AKAP9: variants seen among roughly 807,000 people sequenced by gnomAD.
AKAP9 encodes A-kinase anchoring protein 9.
Under a neutral mutation model 488.5 loss-of-function variants are expected in AKAP9, and 311 were observed. That is an observed-to-expected ratio of 0.64 (90% confidence interval 0.58 to 0.70). The LOEUF is 0.70. Ranked by LOEUF, AKAP9 falls within the 30% of genes least tolerant of loss-of-function variation. AKAP9 has a pLI of 0.00. For missense variants in AKAP9, 4,215 were observed against 4,374.5 expected (o/e 0.96, Z 1.03); for synonymous variants, 1,462 against 1,483.5 (o/e 0.99, Z 0.33).
intron 41 of AKAP9, 106 bp downstream of exon 41, chr7:92,097,463 C>T (rs2130902585): frequency 2.0e-6 from 3 of 1,513,522 alleles, no homozygotes; most frequent in Admixed American, 2.0e-5. Flanking sequence ...ATATGTAAAT[C>T]ACTTAAAAAT....
At chr7:92,039,051 G>T (rs34548928) in intron 17 of AKAP9, among the ~76,000 whole-genome samples, 7 of 151,874 alleles carry the variant, frequency 4.6e-5, no homozygotes, top group Non-Finnish European at 8.8e-5. Flanking sequence ...GACTCCATGC[G>T]CGTGCCACCA....
intron 1 of AKAP9, among the ~76,000 whole-genome samples, chr7:91,971,237 TTC>T (rs1239578654): frequency 6.6e-6 from 1 of 152,188 alleles, no homozygotes; most frequent in Admixed American, 6.5e-5. Flanking sequence ...TGATTCTTTT[TTC>T]TGTTTGATCC....
At chr7:91,957,247 A>T (rs1050835617) in intron 1 of AKAP9, among the ~76,000 whole-genome samples, 10 of 152,184 alleles carry the variant, frequency 6.6e-5, no homozygotes, top group Admixed American at 1.3e-4. Flanking sequence ...ATGTTTTTAA[A>T]TGTGTAGAAT....
chr7:91,952,661 A>ACCTTG (rs1272170988), intron 1 of AKAP9, among the ~76,000 whole-genome samples: 1 of 152,188 alleles, frequency 6.6e-6, no homozygotes, highest in African/African-American at 2.4e-5. Context: ...TGTATTACCT[A>ACCTTG]CCTTGTTTGG....
intron 1 of AKAP9, among the ~76,000 whole-genome samples, chr7:91,943,409 A>G (rs1288788703): frequency 6.6e-6 from 1 of 152,236 alleles, no homozygotes; most frequent in African/African-American, 2.4e-5. Context: ...CTTTCAGATT[A>G]GAACTGAAAA....
chr7:91,992,152 A>G lies in AKAP9; in HGVS notation c.352-6A>G, dbSNP rs1170708832. 1 of 1,604,698 alleles carries G rather than the reference A, an allele frequency of 6.2e-7. No homozygotes were observed. ...CATAATATATCAGGAAATTGTTTTT[A>G]TACAGGTAAATGGTTGCAGTTTTGT... On this transcript the variant is annotated splice_polypyrimidine_tract_variant and splice_region_variant and intron_variant, in intron 3 of 49. Coordinates refer to ENST00000356239, the MANE Select transcript of AKAP9 (RefSeq NM_005751.5).
At chr7:92,097,902 A>G in intron 42 of AKAP9, 108 bp downstream of exon 42, 3 of 1,119,084 alleles carry the variant, frequency 2.7e-6, no homozygotes, top group Non-Finnish European at 4.1e-6. Flanking sequence ...TTTAAAGGTA[A>G]TGCGTGTTTA....
intron 43 of AKAP9, among the ~76,000 whole-genome samples, 164 bp from the exon 44 acceptor site, chr7:92,099,523 G>A (rs1817174946): frequency 6.6e-6 from 1 of 151,858 alleles, no homozygotes; most frequent in South Asian, 2.1e-4. Context: ...TGCTTAATAT[G>A]CCCTTCCTTA....
rs372493917 is a variant in AKAP9, at chr7:92,097,264, A to T, written c.10305A>T (p.Arg3435=). The T allele has an allele frequency of 5.6e-6, 9 of 1,614,002 alleles. No individual in the cohort carries two copies. In the African/African-American group the frequency reaches 1.1e-4, roughly 19 times the overall value. Residue 3435 remains arginine (R), a synonymous_variant, in exon 41 of 50, where the codon CGA becomes CGT. Transcript: ENST00000356239. ...QVYKLDLEGQ[R]LQGIMQEFQK... is the part of the protein sequence containing the mutation. ...ATAAGTTAGACCTTGAAGGACAGCGACTACAAGGAATCATGCAGGAATTCC... is the reference window on the plus strand; with the variant it reads ...ATAAGTTAGACCTTGAAGGACAGCGTCTACAAGGAATCATGCAGGAATTCC...
At chr7:92,054,714 T>C (rs1358507213) in intron 22 of AKAP9, among the ~76,000 whole-genome samples, 1 of 152,100 alleles carries the variant, frequency 6.6e-6, no homozygotes, top group Non-Finnish European at 1.5e-5. Flanking sequence ...TCCAAGTCCA[T>C]ATTATAGTAC....
chr7:91,962,890 GAATA>G (rs1793894385), intron 1 of AKAP9, among the ~76,000 whole-genome samples: 2 of 152,110 alleles, frequency 1.3e-5, no homozygotes, highest in Admixed American at 1.3e-4. Flanking sequence ...TTGCACATCT[GAATA>G]AATATTAAAT....
chr7:92,052,170 G>A (rs2130803719), intron 21 of AKAP9, among the ~76,000 whole-genome samples: 1 of 152,272 alleles, frequency 6.6e-6, no homozygotes, highest in Middle Eastern at 3.4e-3. Context: ...TGGATCAAAA[G>A]TTAGTCATCA....
intron 21 of AKAP9, among the ~76,000 whole-genome samples, chr7:92,051,215 T>A (rs28506180): frequency 0.017 from 2,606 of 152,254 alleles, 78 homozygotes; most frequent in East Asian, 0.085. Flanking sequence ...CCCTTTGCCC[T>A]AAAAAGCCTA....
chr7:92,056,719 T>TTAATAATTAGTCTACCTAATTTAATA (rs1808846583), intron 22 of AKAP9, among the ~76,000 whole-genome samples: 1 of 151,908 alleles, frequency 6.6e-6, no homozygotes, highest in African/African-American at 2.4e-5. Context: ...CTGCCCTAAT[T>TTAATAATTAGTCTACCTAATTTAATA]ATTAGTCTAC....
chr7:91,983,651 A>T (rs1219926789), intron 3 of AKAP9, among the ~76,000 whole-genome samples: 1 of 152,228 alleles, frequency 6.6e-6, no homozygotes. Context: ...AAAATAACAA[A>T]AATTATCTGA....
intron 38 of AKAP9, chr7:92,092,638 C>T (rs1333784229): frequency 1.3e-5 from 2 of 154,770 alleles, no homozygotes; most frequent in East Asian, 1.9e-4. Context: ...TATTTTTATA[C>T]GTTACCAACC....
At chr7:92,024,439 G>GTA (rs60256828) in intron 14 of AKAP9, among the ~76,000 whole-genome samples, 9,904 of 146,966 alleles carry the variant, frequency 0.067, 735 homozygotes, top group African/African-American at 0.17. Flanking sequence ...ATGTGTGTGT[G>GTA]TATATATATA....
At chr7:91,952,680 G>T (rs1224661887) in intron 1 of AKAP9, among the ~76,000 whole-genome samples, 2 of 152,172 alleles carry the variant, frequency 1.3e-5, no homozygotes, top group African/African-American at 4.8e-5. Context: ...GGTATTATTG[G>T]AGTATAAAGC....
chr7:92,054,217 C>G (rs1363689253), intron 22 of AKAP9, among the ~76,000 whole-genome samples: 1 of 152,018 alleles, frequency 6.6e-6, no homozygotes, highest in Non-Finnish European at 1.5e-5. Flanking sequence ...TTATCTTGAA[C>G]CTGATGAATA....
Sources: allele counts gnomAD v4.1 joint callset (sites outside exome capture counted in the v4.1 genomes callset), GRCh38; gene constraint gnomAD v4.1.1; transcripts MANE v1.5; gene names NCBI Gene and HGNC (gene_info 2026-07-23, HGNC 2026-07-21).